HMCN1: variants seen among roughly 807,000 people sequenced by gnomAD.
The protein encoded by HMCN1 is hemicentin 1, also known as hemicentin-1.
A neutral mutation model predicts 625.9 loss-of-function variants in HMCN1; 321 were observed. The ratio of observed to expected loss-of-function variants is 0.51; its 90% CI spans 0.47 to 0.56. The LOEUF is 0.56. Among genes scored for constraint, HMCN1 ranks in the 20% least tolerant of loss-of-function variants. HMCN1 has a pLI of 0.00. For synonymous variants in HMCN1, 2,425 were observed against 2,417.6 expected (o/e 1.00, Z -0.09); for missense variants, 6,588 against 6,887.3 (o/e 0.96, Z 1.54).
chr1:185,963,807 T>C lies in HMCN1; in HGVS notation c.2010T>C (p.Asn670=). 2 of 1,610,128 alleles carry C rather than the reference T, an allele frequency of 1.2e-6. No homozygotes were observed. Among genetic ancestry groups the C allele is most frequent in the South Asian group, 1.1e-5 (1 of 91,008 alleles). ...MTSDGTLFIK[N]AAPKDAGIYG... is the part of the protein sequence containing the mutation. ...CAGATGGTACCTTATTTATCAAAAATGCAGCTCCCAAAGATGCAGGGATCT... is the reference window on the plus strand; with the variant it reads ...CAGATGGTACCTTATTTATCAAAAACGCAGCTCCCAAAGATGCAGGGATCT... Residue 670 remains asparagine, a synonymous_variant, in exon 13 of 107, where the codon AAT becomes AAC. Coordinates refer to ENST00000271588, the MANE Select transcript of HMCN1 (RefSeq NM_031935.3).
chr1:185,892,891 C>G (rs181315168), intron 4 of HMCN1, among the ~76,000 whole-genome samples: 1 of 152,296 alleles, frequency 6.6e-6, no homozygotes, highest in East Asian at 1.9e-4. Context: ...TGGTCAATGG[C>G]GGGCGCCCCT....
intron 57 of HMCN1, among the ~76,000 whole-genome samples, chr1:186,085,669 C>T (rs1659434101): frequency 6.6e-6 from 1 of 152,014 alleles, no homozygotes; most frequent in South Asian, 2.1e-4. Flanking sequence ...AAAGCATATT[C>T]TAGAAATCCA....
chr1:186,123,883 A>G (rs146082612), intron 81 of HMCN1, among the ~76,000 whole-genome samples: 2 of 152,194 alleles, frequency 1.3e-5, no homozygotes, highest in African/African-American at 4.8e-5. Context: ...CATTTTTCAG[A>G]AATTTGTGAA....
intron 105 of HMCN1, among the ~76,000 whole-genome samples, chr1:186,183,598 A>T (rs1653085549): frequency 6.6e-6 from 1 of 152,222 alleles, no homozygotes; most frequent in African/African-American, 2.4e-5. Context: ...TTTAATCAGC[A>T]GTATAAATAT....
chr1:185,971,858 A>G (rs534057197), intron 15 of HMCN1, among the ~76,000 whole-genome samples: 2 of 152,284 alleles, frequency 1.3e-5, no homozygotes, highest in Non-Finnish European at 2.9e-5. Context: ...AAAGACCACT[A>G]TAGAATCTGT....
intron 97 of HMCN1, among the ~76,000 whole-genome samples, chr1:186,154,308 G>A (rs559676327): frequency 1.1e-4 from 16 of 152,282 alleles, no homozygotes; most frequent in East Asian, 5.8e-4. Context: ...TTGGGAGGCC[G>A]AGGCAGGTGA....
chr1:186,139,361 T>TAAAG (rs1055694735), intron 89 of HMCN1, among the ~76,000 whole-genome samples: 4 of 152,212 alleles, frequency 2.6e-5, no homozygotes, highest in Admixed American at 6.5e-5. Flanking sequence ...ATTTTAGTCT[T>TAAAG]AAAGAATTTG....
In HMCN1 at chr1:186,184,177, T is replaced by C. The variant is rs74136064; in HGVS notation, c.16414+1890T>C. ...AATCAGAAACAGGTGTCACTTGAAA[T>C]GTCTGCAATTTAAATGGGTTACATA... is the stretch of plus-strand genomic sequence containing the variant. On this transcript the variant is annotated intron_variant, in intron 105 of 106. Coordinates refer to ENST00000271588, the MANE Select transcript of HMCN1 (RefSeq NM_031935.3). 4.5e-3 allele frequency among the ~76,000 whole-genome samples: 678 copies of C among 152,304 alleles called. 4 individuals are homozygous for C. The highest frequency in any genetic ancestry group is 0.016 in the African/African-American group (653 of 41,562).
intron 96 of HMCN1, among the ~76,000 whole-genome samples, chr1:186,153,133 G>A (rs1283059124): frequency 6.6e-6 from 1 of 152,174 alleles, no homozygotes; most frequent in Non-Finnish European, 1.5e-5. Flanking sequence ...TTTAGACAAA[G>A]AGGATAGTAA....
chr1:186,159,600 A>G (rs1651292909), intron 97 of HMCN1, among the ~76,000 whole-genome samples: 1 of 152,182 alleles, frequency 6.6e-6, no homozygotes, highest in Admixed American at 6.5e-5. Context: ...TCCCATTAAT[A>G]CCTAACATAT....
At chr1:185,807,796 G>C (rs973498078) in intron 1 of HMCN1, among the ~76,000 whole-genome samples, 1 of 151,982 alleles carries the variant, frequency 6.6e-6, no homozygotes, top group Non-Finnish European at 1.5e-5. Context: ...TTTCCTTGCA[G>C]TCTGAAAGAT....
intron 26 of HMCN1, among the ~76,000 whole-genome samples, chr1:186,000,585 G>GTGTGTGTGTGTA (rs1653123957): frequency 6.8e-6 from 1 of 147,198 alleles, no homozygotes; most frequent in Admixed American, 6.7e-5. Flanking sequence ...GTGTGTGTGT[G>GTGTGTGTGTGTA]TGTGTGTATG....
chr1:186,112,221 C>T (rs1166128995), intron 71 of HMCN1, among the ~76,000 whole-genome samples: 1 of 152,018 alleles, frequency 6.6e-6, no homozygotes, highest in Non-Finnish European at 1.5e-5. Context: ...CAATGTTTTC[C>T]TCTAAGTTAA....
chr1:186,098,815 G>A (rs1043028516), intron 68 of HMCN1, among the ~76,000 whole-genome samples: 2 of 152,054 alleles, frequency 1.3e-5, no homozygotes, highest in Admixed American at 1.3e-4. Context: ...CAATGTAGTA[G>A]ATATACACAA....
chr1:186,013,213 C>G (rs1654115867), intron 30 of HMCN1, among the ~76,000 whole-genome samples: 1 of 152,096 alleles, frequency 6.6e-6, no homozygotes. Flanking sequence ...GTGACTGTAT[C>G]CCAACAAAAC....
chr1:185,786,467 G>A (rs1657575688), intron 1 of HMCN1, among the ~76,000 whole-genome samples: 1 of 152,170 alleles, frequency 6.6e-6, no homozygotes, highest in Admixed American at 6.5e-5. Context: ...GGGAGGCTAA[G>A]CTTTGGATTC....
At chr1:186,106,384 A>G (rs1660607928) in intron 69 of HMCN1, among the ~76,000 whole-genome samples, 1 of 152,190 alleles carries the variant, frequency 6.6e-6, no homozygotes, top group Non-Finnish European at 1.5e-5. Context: ...CTCATATTAC[A>G]TAACATAACT....
At chr1:186,156,852 A>G (rs1419939263) in intron 97 of HMCN1, among the ~76,000 whole-genome samples, 1 of 152,200 alleles carries the variant, frequency 6.6e-6, no homozygotes, top group Non-Finnish European at 1.5e-5. Context: ...TTGAGTGCCT[A>G]CTATGTACTA....
chr1:185,994,695 C>T, intron 23 of HMCN1, 120 bp from the exon 24 acceptor site: 1 of 1,023,602 alleles, frequency 9.8e-7, no homozygotes, highest in Admixed American at 1.9e-5. Context: ...AGCCTAGGTC[C>T]AAATTCTGAA....
Sources: gnomAD v4.1 joint callset for allele counts (sites outside exome capture counted in the v4.1 genomes callset) on GRCh38, gnomAD v4.1.1 for gene constraint, MANE v1.5 for transcripts, NCBI Gene and HGNC (gene_info 2026-07-23, HGNC 2026-07-21) for gene names.